Variants in ANKRD45 observed in about 807,000 individuals in gnomAD.
ANKRD45 encodes ankyrin repeat domain-containing protein 45.
A neutral mutation model predicts 28.1 loss-of-function variants in ANKRD45; 21 were observed. That is an observed-to-expected ratio of 0.75 (90% CI 0.53 to 1.08). The LOEUF is 1.08. Ranked by LOEUF, ANKRD45 falls within the 50% of genes least tolerant of loss-of-function variation. The pLI, the probability that ANKRD45 is intolerant of heterozygous loss-of-function variation, is 0.00. For missense variants in ANKRD45, 261 were observed against 308.7 expected, an observed-to-expected ratio of 0.85 and a Z score of 1.16; for synonymous variants, 86 against 103.9, an observed-to-expected ratio of 0.83 and a Z score of 1.05.
At chr1:173,692,555 T>TG in the ANKRD45 span, among the ~76,000 whole-genome samples, 84 of 152,308 alleles carry the variant, frequency 5.5e-4, no homozygotes, top group Non-Finnish European at 9.0e-4. Flanking sequence ...TTAGTGATTT[T>TG]GGGGGCCCAA....
In ANKRD45 at chr1:173,637,708, G is replaced by T. The variant is rs187501960; in HGVS notation, c.496+9138C>A. ...TATAAATTACCCTGTCTCTTTTGTT[G>T]GTGTGTGGCAAGACTGCTAGCAAGC... On this transcript the variant is annotated intron_variant, in intron 3 of 5. Transcript: ENST00000333279. Among the ~76,000 whole-genome samples the T allele has an allele frequency of 5.6e-3, 847 of 152,268 alleles. 4 individuals are homozygous for T. The highest frequency in any genetic ancestry group is 0.011 in the South Asian group (55 of 4,822).
rs554333433 is a variant in ANKRD45 at position 173,664,129 on chromosome 1, G to A, written c.-15-4696C>T. On this transcript the variant is annotated intron_variant, in intron 1 of 5. Transcript: ENST00000333279. ...ATAAGCACTATGGAGACTATACCAG[G>A]AAATCAACAAGAAGGACTCTAACAG... is the stretch of plus-strand genomic sequence containing the variant. Among the ~76,000 whole-genome samples the A allele has an allele frequency of 2.8e-4, 43 of 152,274 alleles. No homozygotes were observed. In the South Asian group the frequency reaches 7.3e-3, roughly 26 times the overall value.
chr1:173,679,927 C>A, the ANKRD45 span, among the ~76,000 whole-genome samples: 1 of 152,294 alleles, frequency 6.6e-6, no homozygotes, highest in Non-Finnish European at 1.5e-5. Context: ...AGCCAGCAAA[C>A]ATATGAAAAA....
intron 5 of ANKRD45, among the ~76,000 whole-genome samples, chr1:173,611,791 T>C (rs1020928964): frequency 1.3e-5 from 2 of 152,068 alleles, no homozygotes; most frequent in Non-Finnish European, 2.9e-5. Flanking sequence ...TAAATTGAAC[T>C]CAATCCAAAT....
At chr1:173,710,017 T>C in the ANKRD45 span, among the ~76,000 whole-genome samples, 5 of 152,220 alleles carry the variant, frequency 3.3e-5, no homozygotes, top group Non-Finnish European at 7.3e-5. Flanking sequence ...AATTTTATAC[T>C]GTCTGTCTCC....
At chr1:173,628,876 G>T (rs1435960640) in intron 3 of ANKRD45, among the ~76,000 whole-genome samples, 1 of 152,218 alleles carries the variant, frequency 6.6e-6, no homozygotes, top group African/African-American at 2.4e-5. Flanking sequence ...AGTCCTAGTG[G>T]TGGTGGCCAC....
At chr1:173,632,528 CAAA>C (rs539157127) in intron 3 of ANKRD45, among the ~76,000 whole-genome samples, 1 of 114,696 alleles carries the variant, frequency 8.7e-6, no homozygotes, top group Non-Finnish European at 1.9e-5. Context: ...AAAGACACAT[CAAA>C]AAAAAAAAAA....
At chr1:173,614,765 T>C (rs1667385227) in intron 5 of ANKRD45, among the ~76,000 whole-genome samples, 1 of 152,168 alleles carries the variant, frequency 6.6e-6, no homozygotes, top group South Asian at 2.1e-4. Context: ...TTTTGAGGTG[T>C]AGTGTCCTGT....
the ANKRD45 span, among the ~76,000 whole-genome samples, chr1:173,712,190 T>A: frequency 1.3e-5 from 2 of 152,160 alleles, no homozygotes; most frequent in Non-Finnish European, 2.9e-5. Context: ...CCACAGTGAA[T>A]TACCATTTTA....
At chr1:173,660,493 A>G (rs530485661) in intron 1 of ANKRD45, among the ~76,000 whole-genome samples, 2 of 152,298 alleles carry the variant, frequency 1.3e-5, no homozygotes, top group Admixed American at 1.3e-4. Context: ...GCCTCCTGGT[A>G]TTCATACCTT....
In ANKRD45 at chr1:173,652,264, C is replaced by T. The variant is rs561225719; in HGVS notation, c.329-5251G>A. 1.1e-4 allele frequency among the ~76,000 whole-genome samples: 16 copies of T among 152,230 alleles called. No individual in the cohort carries two copies. The South Asian group carries it at 2.1e-3, about 20-fold the overall frequency. On this transcript the variant is annotated intron_variant, in intron 2 of 5. Coordinates refer to ENST00000333279, the MANE Select transcript of ANKRD45 (RefSeq NM_198493.3). ...AAATAGCTCTTATTATTTTGAGATA[C>T]ATTCCATCAATAACTAGTTTATTGA...
In ANKRD45 at chr1:173,647,001, A is replaced by G. The variant is rs1668963992; in HGVS notation, c.341T>C (p.Leu114Ser). The stretch of plus-strand genomic sequence containing the variant: ...ACGACCCCAGGCTGCAGCACAATGT[A>G]AGAGTGTGTACCCTAACAAATGGAA... The part of the protein sequence containing the change: ...NEKTTRGYTL[L>S]HCAAAWGRLE... Residue 114 changes from leucine (L) to serine (S), a missense_variant, in exon 3 of 6, where the codon TTA becomes TCA. Coordinates refer to ENST00000333279, the MANE Select transcript of ANKRD45 (RefSeq NM_198493.3). 1.9e-6 allele frequency: 3 copies of G among 1,613,938 alleles called. No individual in the cohort carries two copies. The highest frequency in any genetic ancestry group is 1.3e-5 in the African/African-American group (1 of 74,934).
the ANKRD45 span, among the ~76,000 whole-genome samples, chr1:173,691,581 C>T: frequency 2.6e-5 from 4 of 152,096 alleles, no homozygotes; most frequent in African/African-American, 4.8e-5. Flanking sequence ...GTCAGGAGAT[C>T]GAGACCATCC....
In ANKRD45 at chr1:173,610,058, C is replaced by T; in HGVS notation, c.*87G>A. On this transcript the variant is annotated 3_prime_UTR_variant, in exon 6 of 6. Transcript: ENST00000333279. ...TTGTACTTAAATACTTAAAGAAACC[C>T]ACATCTGTTTTCTCGATTTCAAATG... 1 of 1,318,948 alleles carries T rather than the reference C, an allele frequency of 7.6e-7. No homozygotes were observed. The highest frequency in any genetic ancestry group is 1.1e-6 in the Non-Finnish European group (1 of 922,716). The allele number at this position is 1,318,948 out of a possible 1,614,324, so 81.7% of individuals were successfully genotyped here.
intron 5 of ANKRD45, among the ~76,000 whole-genome samples, chr1:173,622,199 G>A (rs1667736312): frequency 6.6e-6 from 1 of 152,124 alleles, no homozygotes; most frequent in Non-Finnish European, 1.5e-5. Flanking sequence ...TCATGGACAG[G>A]AAGAACTAAT....
chr1:173,613,632 C>T (rs1211436360), intron 5 of ANKRD45, among the ~76,000 whole-genome samples: 3 of 150,210 alleles, frequency 2.0e-5, no homozygotes, highest in African/African-American at 7.4e-5. Flanking sequence ...CCAGCTGCCC[C>T]GTCCGGGAGG....
chr1:173,638,393 G>A lies in ANKRD45; in HGVS notation c.496+8453C>T, dbSNP rs1668550814. Among the ~76,000 whole-genome samples, 2 of 152,040 alleles carry A rather than the reference G, an allele frequency of 1.3e-5. 1 individual carries two copies. The highest frequency in any genetic ancestry group is 1.3e-4 in the Admixed American group (2 of 15,270). The stretch of plus-strand genomic sequence containing the variant: ...TTGGGCCTATCTAGGATCCAACATG[G>A]GAAAAGGCCCTTGGCAAGCCTCCAA... On this transcript the variant is annotated intron_variant, in intron 3 of 5. Transcript: ENST00000333279.
intron 1 of ANKRD45, 39 bp from the exon 2 acceptor site, chr1:173,659,472 C>A: frequency 6.8e-7 from 1 of 1,465,176 alleles, no homozygotes; most frequent in Non-Finnish European, 9.1e-7. Context: ...AAAATCTACT[C>A]AAACACATCA....
chr1:173,645,639 G>A (rs1354908055), intron 3 of ANKRD45, among the ~76,000 whole-genome samples: 1 of 152,178 alleles, frequency 6.6e-6, no homozygotes, highest in Non-Finnish European at 1.5e-5. Flanking sequence ...ATCTCAAGAA[G>A]ACATGTATTA....
Sources: allele counts gnomAD v4.1 joint callset (sites outside exome capture counted in the v4.1 genomes callset), GRCh38; gene constraint gnomAD v4.1.1; transcripts MANE v1.5; gene names NCBI Gene and HGNC (gene_info 2026-07-23, HGNC 2026-07-21).